PTPRS: variants seen among roughly 807,000 people sequenced by gnomAD.
The protein encoded by PTPRS is protein tyrosine phosphatase receptor type S.
PTPRS carries 63 observed loss-of-function variants against 215.3 expected under a neutral mutation model. The ratio of observed to expected loss-of-function variants is 0.29; its 90% CI spans 0.24 to 0.36. The LOEUF (loss-of-function observed/expected upper bound fraction) is 0.36, where lower values mean the gene tolerates loss of function less well. Among genes scored for constraint, PTPRS ranks in the 10% least tolerant of loss-of-function variants. The pLI is 1.00. For missense variants in PTPRS, 2,258 were observed against 2,825.8 expected (o/e 0.80, Z 4.56); for synonymous variants, 1,404 against 1,191.4 (o/e 1.18, Z -3.68).
intron 6 of PTPRS, among the ~76,000 whole-genome samples, chr19:5,261,070 C>T (rs1431952078): frequency 6.6e-6 from 1 of 152,030 alleles, no homozygotes; most frequent in Non-Finnish European, 1.5e-5. Context: ...AGGCGGGAAT[C>T]TCTGGGGGTG....
chr19:5,256,484 G>C (rs1007868698), intron 8 of PTPRS, among the ~76,000 whole-genome samples: 3 of 152,006 alleles, frequency 2.0e-5, no homozygotes, highest in Non-Finnish European at 4.4e-5. Flanking sequence ...CCCACCTCTG[G>C]GGGATGAGGA....
intron 1 of PTPRS, among the ~76,000 whole-genome samples, chr19:5,306,269 C>T (rs1170724181): frequency 6.6e-6 from 1 of 151,788 alleles, no homozygotes; most frequent in Non-Finnish European, 1.5e-5. Context: ...CTCAGCCTCC[C>T]GAGTAGCTGG....
In PTPRS at chr19:5,222,114, C is replaced by CAGTCG; in HGVS notation, c.3201+4_3201+8dup. ...CCTGCCTGCCTGCCTGCTGGCTGGG[C>CAGTCG]AGTCGCACCTTGTAGGGTGTGGGTG... is the stretch of plus-strand genomic sequence containing the variant. On this transcript the variant is annotated intron_variant, in intron 19 of 37. Coordinates refer to ENST00000262963, the MANE Select transcript of PTPRS (RefSeq NM_002850.4). 1 of 1,610,084 alleles carries CAGTCG rather than the reference C, an allele frequency of 6.2e-7. No individual in the cohort carries two copies. Among genetic ancestry groups the CAGTCG allele is most frequent in the Non-Finnish European group, 8.5e-7 (1 of 1,176,636 alleles).
intron 2 of PTPRS, among the ~76,000 whole-genome samples, chr19:5,276,790 C>G (rs2047409264): frequency 6.6e-6 from 1 of 152,134 alleles, no homozygotes; most frequent in African/African-American, 2.4e-5. Context: ...GATCCGCCCG[C>G]CTCAGTCTCC....
chr19:5,221,857 T>C (rs1568400431), intron 19 of PTPRS, among the ~76,000 whole-genome samples: 1 of 152,134 alleles, frequency 6.6e-6, no homozygotes, highest in Non-Finnish European at 1.5e-5. Context: ...AGACTGAACC[T>C]CAATCCCAGC....
chr19:5,212,822 G>A (rs148710471), intron 30 of PTPRS, among the ~76,000 whole-genome samples: 6,248 of 148,062 alleles, frequency 0.042, 451 homozygotes, highest in African/African-American at 0.15. Context: ...CAGCCTGGGT[G>A]ACAGAGTGAA....
chr19:5,223,593 TG>T (rs1182664430), intron 17 of PTPRS, among the ~76,000 whole-genome samples: 23 of 148,470 alleles, frequency 1.5e-4, no homozygotes, highest in African/African-American at 5.3e-4. Flanking sequence ...GACAGAATCT[TG>T]CTCTGTTGCC....
chr19:5,228,253 G>A (rs184338030), intron 16 of PTPRS, among the ~76,000 whole-genome samples: 1 of 146,726 alleles, frequency 6.8e-6, no homozygotes, highest in Admixed American at 6.8e-5. Context: ...GCTGAGACAG[G>A]AGAATTGTTT....
At chr19:5,216,431 C>T (rs1487844368) in intron 26 of PTPRS, among the ~76,000 whole-genome samples, 3 of 152,120 alleles carry the variant, frequency 2.0e-5, no homozygotes, top group Middle Eastern at 6.3e-3. Flanking sequence ...CCCAAGAGCT[C>T]ACATCTAAGG....
intron 30 of PTPRS, among the ~76,000 whole-genome samples, chr19:5,213,924 C>T (rs1202227785): frequency 6.6e-6 from 1 of 152,204 alleles, no homozygotes; most frequent in African/African-American, 2.4e-5. Flanking sequence ...AAATACATAT[C>T]TAAAAGATCT....
chr19:5,317,317 C>T (rs111936985), intron 1 of PTPRS, among the ~76,000 whole-genome samples: 2 of 152,002 alleles, frequency 1.3e-5, no homozygotes, highest in African/African-American at 2.4e-5. Context: ...AGTAAAAATA[C>T]AAAAATTAGC....
chr19:5,280,592 G>A (rs2047763454), intron 2 of PTPRS, among the ~76,000 whole-genome samples: 1 of 151,776 alleles, frequency 6.6e-6, no homozygotes, highest in Non-Finnish European at 1.5e-5. Context: ...GTGGTGGCGG[G>A]TGCCTGTAAT....
intron 2 of PTPRS, among the ~76,000 whole-genome samples, chr19:5,281,407 G>A (rs1245084343): frequency 6.6e-6 from 1 of 152,164 alleles, no homozygotes; most frequent in East Asian, 1.9e-4. Flanking sequence ...GTTGCAGTGA[G>A]CTGAGATCAC....
intron 25 of PTPRS, among the ~76,000 whole-genome samples, chr19:5,217,330 G>A (rs886408245): frequency 2.5e-4 from 38 of 152,160 alleles, no homozygotes; most frequent in Admixed American, 2.1e-3. Flanking sequence ...GACTGCAGCC[G>A]TCAGTTACAT....
intron 1 of PTPRS, among the ~76,000 whole-genome samples, chr19:5,304,847 G>A (rs1237297118): frequency 1.3e-5 from 2 of 151,550 alleles, no homozygotes; most frequent in African/African-American, 4.9e-5. Context: ...AGGTGTGGAA[G>A]AGGAAACCTA....
At chr19:5,307,841 C>A (rs963329011) in intron 1 of PTPRS, among the ~76,000 whole-genome samples, 1 of 152,148 alleles carries the variant, frequency 6.6e-6, no homozygotes, top group African/African-American at 2.4e-5. Context: ...TCCGGCCCAC[C>A]GTTTGTTTTT....
intron 30 of PTPRS, among the ~76,000 whole-genome samples, chr19:5,213,643 T>C (rs1318216860): frequency 1.8e-5 from 1 of 54,162 alleles, no homozygotes; most frequent in African/African-American, 4.9e-5. Context: ...ATATAACATA[T>C]GCTTAATGTA....
rs1291832224 is a variant in PTPRS, at chr19:5,210,261, G to A, written c.5487+208C>T. Among the ~76,000 whole-genome samples the A allele has an allele frequency of 6.6e-6, 1 of 152,204 alleles. No individual in the cohort carries two copies. The highest frequency in any genetic ancestry group is 1.5e-5 in the Non-Finnish European group (1 of 68,042). On this transcript the variant is annotated intron_variant, in intron 35 of 37. Coordinates refer to ENST00000262963, the MANE Select transcript of PTPRS (RefSeq NM_002850.4). The surrounding 1 kb of genome is among the most constrained non-coding windows in gnomAD (Gnocchi z 4.5). ...CCTGGGGCCATGTTCCCTAGTGAGT[G>A]GAGACACTGCAGGGTCAGCACAGAG...
intron 30 of PTPRS, among the ~76,000 whole-genome samples, chr19:5,212,938 T>C (rs144523365): frequency 3.6e-4 from 55 of 151,134 alleles, no homozygotes; most frequent in African/African-American, 1.2e-3. Context: ...CCAAGTAGAG[T>C]CTTGCGGACG....
Sources: allele counts gnomAD v4.1 joint callset (sites outside exome capture counted in the v4.1 genomes callset), GRCh38; gene constraint gnomAD v4.1.1; non-coding constraint Gnocchi (gnomAD v3.1); transcripts MANE v1.5; gene names NCBI Gene and HGNC (gene_info 2026-07-23, HGNC 2026-07-21).